The following OLFM2 variants were observed in gnomAD, a reference collection of about 807,000 sequenced individuals.
The protein encoded by OLFM2 is noelin-2.
In OLFM2, 20 loss-of-function variants were observed where a neutral mutation model predicts 43.9. The observed-to-expected ratio is 0.46, with a 90% CI of 0.32 to 0.66. OLFM2 has a LOEUF of 0.66. Among genes scored for constraint, OLFM2 ranks in the 30% least tolerant of loss-of-function variants. The probability of loss-of-function intolerance (pLI) is 0.04; values close to 1 mark genes in which losing one functional copy is unlikely to be tolerated. For missense variants in OLFM2, 416 were observed against 643.6 expected (o/e 0.65, Z 3.83); for synonymous variants, 268 against 278.6 (o/e 0.96, Z 0.38).
At position 9,857,794 on chromosome 19, in the gene OLFM2, C is replaced by T. The variant is rs370497066; in HGVS notation, c.281G>A (p.Arg94His). 36 of 1,613,992 alleles carry T rather than the reference C, an allele frequency of 2.2e-5. No individual in the cohort carries two copies. The highest frequency in any genetic ancestry group is 2.2e-4 in the Admixed American group (13 of 59,996). The change falls in exon 3 of 6, where the codon CGC becomes CAC. Residue 94 changes from arginine to histidine, a missense_variant. Transcript: ENST00000264833. The surrounding 1 kb of genome is among the most constrained non-coding windows in gnomAD (Gnocchi z 5.7). The stretch of plus-strand genomic sequence containing the variant: ...GCTCCGCATGAGGGTCTCCATGCCG[C>T]GTACATACTGGAGGTCGCGATACGT... ...LRTYRDLQYV[R>H]GMETLMRSLD...
chr19:9,894,398 A>AATC, intron 1 of OLFM2, among the ~76,000 whole-genome samples: 1 of 93,324 alleles, frequency 1.1e-5, no homozygotes, highest in African/African-American at 3.9e-5. Context: ...TAATAATAAT[A>AATC]ATAATAATAA....
At chr19:9,889,310 C>T (rs577756564) in intron 1 of OLFM2, among the ~76,000 whole-genome samples, 3 of 152,026 alleles carry the variant, frequency 2.0e-5, no homozygotes, top group Non-Finnish European at 4.4e-5. Context: ...AGTGCAGTGG[C>T]GCGATCACAG....
At chr19:9,897,165 C>T (rs986272005) in intron 1 of OLFM2, among the ~76,000 whole-genome samples, 3 of 151,976 alleles carry the variant, frequency 2.0e-5, no homozygotes, top group African/African-American at 7.2e-5. Flanking sequence ...CCCATCTCTA[C>T]TAAAAATACA....
intron 1 of OLFM2, among the ~76,000 whole-genome samples, chr19:9,898,930 C>T (rs1471126599): frequency 1.3e-5 from 2 of 152,184 alleles, no homozygotes; most frequent in Non-Finnish European, 2.9e-5. Flanking sequence ...CTAGAGAGAT[C>T]TTTAAATAAT....
Position 9,854,178 on chromosome 19 carries a change from G to C in OLFM2, c.*8C>G. On this transcript the variant is annotated 3_prime_UTR_variant, in exon 6 of 6. Transcript: ENST00000264833. The surrounding 1 kb of genome is among the most constrained non-coding windows in gnomAD (Gnocchi z 9.5). ...CCCCCAGGCAGCAGCCCGAGCCACA[G>C]CATTGGCTCAGGGGTCCCCAGAGGT... is the stretch of plus-strand genomic sequence containing the variant. The C allele has an allele frequency of 6.2e-7, 1 of 1,613,994 alleles. No homozygotes were observed. Among genetic ancestry groups the C allele is most frequent in the Non-Finnish European group, 8.5e-7 (1 of 1,179,892 alleles).
rs146023280 is a variant in OLFM2 at position 9,900,022 on chromosome 19, T to C, written c.63+36282A>G. 4.3e-3 allele frequency among the ~76,000 whole-genome samples: 656 copies of C among 152,240 alleles called. 2 individuals are homozygous for C. Among genetic ancestry groups the C allele is most frequent in the Middle Eastern group, 0.02 (6 of 294 alleles). On this transcript the variant is annotated intron_variant, in intron 1 of 5. Transcript: ENST00000264833. ...TGGCACATAGTAGGTGCATAATAAA[T>C]ATCTGTTGACCGAATTGACAAATGA...
chr19:9,880,728 G>A (rs2046532721), intron 1 of OLFM2, among the ~76,000 whole-genome samples: 1 of 152,160 alleles, frequency 6.6e-6, no homozygotes, highest in South Asian at 2.1e-4. Context: ...AGAAACTAAT[G>A]CTTTGATTTC....
intron 1 of OLFM2, among the ~76,000 whole-genome samples, chr19:9,930,616 G>A (rs547029098): frequency 1.3e-5 from 2 of 151,948 alleles, no homozygotes; most frequent in African/African-American, 2.4e-5. Context: ...AGGCCAAGGC[G>A]GGCAGATCAT....
chr19:9,856,986 G>A lies in OLFM2; in HGVS notation c.581-73C>T. On this transcript the variant is annotated intron_variant, in intron 4 of 5. Coordinates refer to ENST00000264833, the MANE Select transcript of OLFM2 (RefSeq NM_058164.4). The surrounding 1 kb of genome is among the most constrained non-coding windows in gnomAD (Gnocchi z 4.0). ...AAGAGAGGCCAGGCAAAGATGAAGT[G>A]CTGTGATCAAGTTGGGAAAGCTGGG... is the stretch of plus-strand genomic sequence containing the variant. The A allele has an allele frequency of 8.0e-7, 1 of 1,255,486 alleles. No individual in the cohort carries two copies. Among genetic ancestry groups the A allele is most frequent in the Non-Finnish European group, 1.1e-6 (1 of 877,584 alleles). The allele number at this position is 1,255,486 out of a possible 1,614,324, so 77.8% of individuals were successfully genotyped here. A position where few individuals can be genotyped will look rare whatever the true frequency, so the allele number is the denominator to read the frequency against.
chr19:9,875,289 T>TCC (rs1292062450), intron 1 of OLFM2, among the ~76,000 whole-genome samples: 4 of 152,210 alleles, frequency 2.6e-5, no homozygotes, highest in African/African-American at 7.2e-5. Context: ...TGGGGTTTCT[T>TCC]CCTTCACGGA....
chr19:9,927,093 C>T (rs1418533495), intron 1 of OLFM2, among the ~76,000 whole-genome samples: 2 of 152,020 alleles, frequency 1.3e-5, no homozygotes. Flanking sequence ...ACCAGCCTGG[C>T]CAACATGGTG....
chr19:9,913,078 G>A (rs539920092), intron 1 of OLFM2, among the ~76,000 whole-genome samples: 2 of 151,724 alleles, frequency 1.3e-5, no homozygotes, highest in East Asian at 3.9e-4. Flanking sequence ...TCAGAGACAG[G>A]GTCCTTCTAA....
At chr19:9,883,134 C>T (rs1304669456) in intron 1 of OLFM2, among the ~76,000 whole-genome samples, 2 of 148,232 alleles carry the variant, frequency 1.3e-5, no homozygotes, top group Non-Finnish European at 3.0e-5. Flanking sequence ...CACTTGAATC[C>T]GGGGGTGGAG....
At chr19:9,862,347 G>A (rs1329200332) in intron 1 of OLFM2, among the ~76,000 whole-genome samples, 1 of 151,938 alleles carries the variant, frequency 6.6e-6, no homozygotes, top group Non-Finnish European at 1.5e-5. Context: ...GAGAAGGCAG[G>A]GGACATTTCT....
At chr19:9,917,746 G>A (rs1415618476) in intron 1 of OLFM2, among the ~76,000 whole-genome samples, 1 of 108,470 alleles carries the variant, frequency 9.2e-6, no homozygotes, top group Non-Finnish European at 1.9e-5. Context: ...TCCCCTCTCT[G>A]AAACACGTAG....
chr19:9,860,586 G>A, intron 2 of OLFM2, 59 bp downstream of exon 2: 1 of 1,539,250 alleles, frequency 6.5e-7, no homozygotes, highest in Non-Finnish European at 8.8e-7. Flanking sequence ...GGGCTGGAGG[G>A]CGGGGTGAGA....
intron 1 of OLFM2, among the ~76,000 whole-genome samples, chr19:9,917,909 C>T (rs968012242): frequency 4.6e-5 from 7 of 151,718 alleles, no homozygotes; most frequent in East Asian, 1.9e-4. Context: ...GATGGAGTCT[C>T]GCTCTGTTGC....
intron 1 of OLFM2, among the ~76,000 whole-genome samples, chr19:9,933,646 C>T (rs1248487922): frequency 1.3e-5 from 2 of 151,218 alleles, no homozygotes; most frequent in Admixed American, 6.6e-5. Flanking sequence ...ACCTCTGCCT[C>T]CCAGGTTCAA....
intron 1 of OLFM2, among the ~76,000 whole-genome samples, chr19:9,924,119 A>G (rs1244970071): frequency 6.9e-6 from 1 of 145,054 alleles, no homozygotes; most frequent in Admixed American, 7.0e-5. Context: ...AAAAAAAAAA[A>G]AAAAAAAAAG....
Sources: allele counts gnomAD v4.1 joint callset (sites outside exome capture counted in the v4.1 genomes callset), GRCh38; gene constraint gnomAD v4.1.1; non-coding constraint Gnocchi (gnomAD v3.1); transcripts MANE v1.5; gene names NCBI Gene and HGNC (gene_info 2026-07-23, HGNC 2026-07-21).